The following SCRG1 variants were observed in gnomAD, a reference collection of about 807,000 sequenced individuals.
SCRG1 encodes the protein stimulator of chondrogenesis 1.
A neutral mutation model predicts 7.7 loss-of-function variants in SCRG1; 3 were observed. The observed-to-expected ratio is 0.39, with a 90% CI of 0.18 to 1.01. SCRG1 has a LOEUF of 1.01. SCRG1 is among the 50% of genes least tolerant of loss of function. SCRG1 has a pLI of 0.36. For missense variants in SCRG1, 110 were observed against 117.2 expected (o/e 0.94, Z 0.28); for synonymous variants, 46 against 41.2 (o/e 1.12, Z -0.44).
chr4:173,515,352 C>A, the SCRG1 span, among the ~76,000 whole-genome samples: 5 of 151,756 alleles, frequency 3.3e-5, no homozygotes, highest in African/African-American at 1.2e-4. This position sits in a 1 kb window ranked among gnomAD's most constrained non-coding sequence, Gnocchi z 4.6. Context: ...CACTTAGAAC[C>A]AATTCTCATC....
the SCRG1 span, among the ~76,000 whole-genome samples, chr4:173,517,890 G>A: frequency 1.3e-5 from 2 of 152,228 alleles, no homozygotes; most frequent in Non-Finnish European, 2.9e-5. Flanking sequence ...CTCCCTCCTG[G>A]GCAGGGCCAG....
the SCRG1 span, among the ~76,000 whole-genome samples, chr4:173,478,073 G>GA: frequency 6.6e-6 from 1 of 152,052 alleles, no homozygotes; most frequent in African/African-American, 2.4e-5. Context: ...AATCCCTGAG[G>GA]AAAAAAACTG....
the SCRG1 span, among the ~76,000 whole-genome samples, chr4:173,501,561 G>T: frequency 6.6e-6 from 1 of 152,154 alleles, no homozygotes; most frequent in African/African-American, 2.4e-5. The surrounding 1 kb of genome is among the most constrained non-coding windows in gnomAD (Gnocchi z 5.1). Context: ...CTCTGCGGAG[G>T]TCTCTTTCAG....
In SCRG1 at chr4:173,386,151, G is replaced by A. The variant is rs991448334; in HGVS notation, c.*2190C>T. On this transcript the variant is annotated 3_prime_UTR_variant, in exon 3 of 3. Transcript: ENST00000296506. ...TGTGTTTATATACACTTTTTTTTTG[G>A]GGGGACGGAGTCTCACTCTGTCGCC... 2 of 151,056 alleles carry A rather than the reference G, an allele frequency of 1.3e-5. No individual in the cohort carries two copies. The highest frequency in any genetic ancestry group is 2.1e-4 in the South Asian group (1 of 4,798). 9.4% of individuals were successfully genotyped at this position (151,056 alleles called of 1,614,324 possible).
chr4:173,434,114 T>G, the SCRG1 span, among the ~76,000 whole-genome samples: 1 of 152,294 alleles, frequency 6.6e-6, no homozygotes, highest in African/African-American at 2.4e-5. Flanking sequence ...AGGGAGTGGC[T>G]CTGAGATGGG....
At chr4:173,411,815 G>GT in the SCRG1 span, among the ~76,000 whole-genome samples, 63,870 of 152,028 alleles carry the variant, frequency 0.42, 15,312 homozygotes, top group Non-Finnish European at 0.54. Flanking sequence ...CTAAGCTACA[G>GT]TTTTATGGAG....
At chr4:173,429,832 T>C in the SCRG1 span, among the ~76,000 whole-genome samples, 1 of 152,150 alleles carries the variant, frequency 6.6e-6, no homozygotes. Flanking sequence ...AGAACAAAAA[T>C]GTTCAAAGTA....
chr4:173,438,589 T>C, the SCRG1 span, among the ~76,000 whole-genome samples: 3 of 152,172 alleles, frequency 2.0e-5, no homozygotes, highest in African/African-American at 7.2e-5. Flanking sequence ...ATGACTAATA[T>C]ATTAATCATG....
the SCRG1 span, among the ~76,000 whole-genome samples, chr4:173,483,377 T>TATTATATCATGA: frequency 2.5e-4 from 4 of 16,152 alleles, 2 homozygotes; most frequent in East Asian, 4.5e-3. Context: ...TAATATTATA[T>TATTATATCATGA]TATATATTAT....
the SCRG1 span, among the ~76,000 whole-genome samples, chr4:173,431,121 A>C: frequency 2.0e-5 from 3 of 152,196 alleles, no homozygotes; most frequent in Non-Finnish European, 4.4e-5. Context: ...GGAATCTAAA[A>C]TAATTTTTAA....
chr4:173,484,548 TTA>T, the SCRG1 span, among the ~76,000 whole-genome samples: 18 of 65,508 alleles, frequency 2.7e-4, no homozygotes, highest in East Asian at 2.5e-3. Context: ...TATGTATATT[TTA>T]TATGTTATAT....
At chr4:173,471,866 C>T in the SCRG1 span, among the ~76,000 whole-genome samples, 34 of 152,214 alleles carry the variant, frequency 2.2e-4, no homozygotes, top group Admixed American at 5.9e-4. Flanking sequence ...TGCCCCACCA[C>T]GCCCAGCTAA....
At chr4:173,433,564 T>A in the SCRG1 span, among the ~76,000 whole-genome samples, 4 of 152,168 alleles carry the variant, frequency 2.6e-5, no homozygotes, top group South Asian at 2.1e-4. Flanking sequence ...CGCTCTGGTC[T>A]GTGAGCTTCC....
At chr4:173,469,003 G>A in the SCRG1 span, 11 of 152,166 alleles carry the variant, frequency 7.2e-5, no homozygotes, top group African/African-American at 2.7e-4. Flanking sequence ...CCTGAGTAGA[G>A]GCTCTGAAGT....
the SCRG1 span, among the ~76,000 whole-genome samples, chr4:173,503,734 T>C: frequency 6.6e-6 from 1 of 152,196 alleles, no homozygotes; most frequent in Non-Finnish European, 1.5e-5. The surrounding 1 kb of genome is among the most constrained non-coding windows in gnomAD (Gnocchi z 6.4). Context: ...TGCCTGACTC[T>C]GAATTGCTTT....
At chr4:173,498,483 C>G in the SCRG1 span, among the ~76,000 whole-genome samples, 2 of 152,200 alleles carry the variant, frequency 1.3e-5, no homozygotes, top group African/African-American at 4.8e-5. Context: ...CCCTGGGCCC[C>G]AGCATACTCA....
the SCRG1 span, among the ~76,000 whole-genome samples, chr4:173,494,206 C>T: frequency 1.3e-5 from 2 of 152,200 alleles, no homozygotes; most frequent in Non-Finnish European, 2.9e-5. Context: ...CCACCGGCCC[C>T]ACAGTTCGTC....
intron 1 of SCRG1, among the ~76,000 whole-genome samples, chr4:173,405,834 G>A (rs1266640471): frequency 6.6e-6 from 1 of 152,120 alleles, no homozygotes; most frequent in African/African-American, 2.4e-5. Context: ...CTCATCTTGT[G>A]TATTTCCTGT....
At chr4:173,484,662 T>C in the SCRG1 span, among the ~76,000 whole-genome samples, 1 of 89,966 alleles carries the variant, frequency 1.1e-5, no homozygotes, top group African/African-American at 4.6e-5. Flanking sequence ...TTATATATTA[T>C]ATATAACATG....
Sources: allele counts gnomAD v4.1 joint callset (sites outside exome capture counted in the v4.1 genomes callset), GRCh38; gene constraint gnomAD v4.1.1; non-coding constraint Gnocchi (gnomAD v3.1); transcripts MANE v1.5; gene names NCBI Gene and HGNC (gene_info 2026-07-23, HGNC 2026-07-21).